The following CSMD3 variants were observed in gnomAD, a reference collection of about 807,000 sequenced individuals.
CSMD3 encodes the protein CUB and sushi domain-containing protein 3.
In CSMD3, 177 loss-of-function variants were observed where a neutral mutation model predicts 435.2. That is an observed-to-expected ratio of 0.41 (90% CI 0.36 to 0.46). The LOEUF (loss-of-function observed/expected upper bound fraction) is 0.46. Ranked by LOEUF, CSMD3 falls within the 20% of genes least tolerant of loss-of-function variation. CSMD3 has a pLI of 0.34. For missense variants in CSMD3, 4,265 were observed against 4,504.6 expected, an observed-to-expected ratio of 0.95 and a Z score of 1.52; for synonymous variants, 1,656 against 1,520.5, an observed-to-expected ratio of 1.09 and a Z score of -2.07.
chr8:112,927,386 G>A (rs2082944916), intron 9 of CSMD3, among the ~76,000 whole-genome samples: 1 of 152,060 alleles, frequency 6.6e-6, no homozygotes, highest in Admixed American at 6.6e-5. Flanking sequence ...ATTGGAGCAA[G>A]TGAAGCTCCT....
At chr8:113,398,915 G>A (rs1248643276) in intron 1 of CSMD3, among the ~76,000 whole-genome samples, 2 of 151,606 alleles carry the variant, frequency 1.3e-5, no homozygotes, top group Admixed American at 6.6e-5. Context: ...TGATGCTGGG[G>A]GATGAGAGGA....
intron 35 of CSMD3, among the ~76,000 whole-genome samples, chr8:112,405,405 C>T (rs1264551014): frequency 6.7e-6 from 1 of 149,674 alleles, no homozygotes; most frequent in Non-Finnish European, 1.5e-5. Flanking sequence ...AATAAAAATT[C>T]CCAGATATGT....
intron 55 of CSMD3, among the ~76,000 whole-genome samples, chr8:112,292,083 C>A (rs905769063): frequency 6.6e-6 from 1 of 151,970 alleles, no homozygotes; most frequent in Non-Finnish European, 1.5e-5. Flanking sequence ...TCGAAGAGTT[C>A]TCCTTAATCT....
Position 112,552,458 on chromosome 8 carries a change from C to A in CSMD3, c.4361+136G>T, listed in dbSNP as rs1355252074. On this transcript the variant is annotated intron_variant, in intron 26 of 70. Coordinates refer to ENST00000297405, the MANE Select transcript of CSMD3 (RefSeq NM_198123.2). Reference sequence around the variant, plus strand: ...CCGAGATCGAGCCCTGCCTTCCGGTCTGGATGTCAGAGCAAGACTCTGCCT... The same window carrying A: ...CCGAGATCGAGCCCTGCCTTCCGGTATGGATGTCAGAGCAAGACTCTGCCT... 5 of 826,310 alleles carry A rather than the reference C, an allele frequency of 6.1e-6. No homozygotes were observed. The South Asian group carries it at 7.9e-5, about 13-fold the overall frequency. The allele number at this position is 826,310 out of a possible 1,614,324, so 51.2% of individuals were successfully genotyped here.
At chr8:112,363,040 TG>T (rs1444882510) in intron 38 of CSMD3, among the ~76,000 whole-genome samples, 1 of 152,002 alleles carries the variant, frequency 6.6e-6, no homozygotes, top group African/African-American at 2.4e-5. Context: ...TTGAACTTTC[TG>T]TGTTTAATGC....
chr8:112,947,855 T>C lies in CSMD3; in HGVS notation c.1443A>G (p.Thr481=). Reference sequence around the variant, plus strand: ...CTGGATCTGGGCATAAATTGGAAGCTGTTTTAATACCTCCCTCATTTACTG... The same window carrying C: ...CTGGATCTGGGCATAAATTGGAAGCCGTTTTAATACCTCCCTCATTTACTG... The part of the protein sequence containing the change: ...FSILNEGGIK[T]ASNLCPDPGE... Residue 481 remains threonine (T), a synonymous_variant, in exon 9 of 71, where the codon ACA becomes ACG. Coordinates refer to ENST00000297405, the MANE Select transcript of CSMD3 (RefSeq NM_198123.2). The C allele has an allele frequency of 6.6e-7, 1 of 1,518,758 alleles. No homozygotes were observed. The highest frequency in any genetic ancestry group is 9.1e-7 in the Non-Finnish European group (1 of 1,095,102). 94.1% of individuals were successfully genotyped at this position (1,518,758 alleles called of 1,614,324 possible).
At chr8:112,271,487 A>C (rs1444086501) in intron 59 of CSMD3, among the ~76,000 whole-genome samples, 1 of 152,098 alleles carries the variant, frequency 6.6e-6, no homozygotes. Context: ...AAGACAGAGA[A>C]TAAAGCAAGA....
chr8:112,500,184 G>A (rs1246487431), intron 30 of CSMD3, among the ~76,000 whole-genome samples: 1 of 151,328 alleles, frequency 6.6e-6, no homozygotes, highest in Non-Finnish European at 1.5e-5. Context: ...ATAAAACAGA[G>A]GAAATAACAT....
intron 22 of CSMD3, among the ~76,000 whole-genome samples, chr8:112,615,582 C>T (rs1006001365): frequency 3.3e-5 from 5 of 151,936 alleles, no homozygotes; most frequent in Non-Finnish European, 2.9e-5. Flanking sequence ...ATATAGAATA[C>T]GCCTACATCA....
chr8:112,314,509 A>C lies in CSMD3; in HGVS notation c.7469T>G (p.Val2490Gly), dbSNP rs1822277525. ...CATGGTGATATTATAACCCTTTTCC[A>C]CTGAAATGCTCCATGCACACATTTG... ...NLQMCAWSISVEKGYNITMFV... is the reference protein window; with the variant it reads ...NLQMCAWSISGEKGYNITMFV... Residue 2490 changes from valine (V) to glycine (G), a missense_variant, in exon 48 of 71, where the codon GTG (valine) becomes GGG (glycine). Val to Gly is a moderately radical substitution (Grantham distance 109). Transcript: ENST00000297405. The C allele has an allele frequency of 1.2e-6, 2 of 1,612,198 alleles. No individual in the cohort carries two copies. The highest frequency in any genetic ancestry group is 8.5e-7 in the Non-Finnish European group (1 of 1,178,408).
At chr8:112,646,164 T>TCA (rs1421651572) in intron 19 of CSMD3, among the ~76,000 whole-genome samples, 6 of 152,192 alleles carry the variant, frequency 3.9e-5, no homozygotes, top group Non-Finnish European at 5.9e-5. Context: ...ATGAATGAAA[T>TCA]GTCTACTGAG....
At chr8:113,255,228 A>G (rs1435339648) in intron 3 of CSMD3, among the ~76,000 whole-genome samples, 1 of 152,138 alleles carries the variant, frequency 6.6e-6, no homozygotes, top group Non-Finnish European at 1.5e-5. Flanking sequence ...TGAAAAAGTA[A>G]AACTAGACAT....
At chr8:112,519,504 C>A (rs188914951) in intron 27 of CSMD3, among the ~76,000 whole-genome samples, 2 of 152,202 alleles carry the variant, frequency 1.3e-5, no homozygotes, top group East Asian at 1.9e-4. Flanking sequence ...TAGGAATTAT[C>A]CAGTGACTAG....
At chr8:112,586,969 T>C in intron 23 of CSMD3, 97 bp downstream of exon 23, 1 of 785,156 alleles carries the variant, frequency 1.3e-6, no homozygotes, top group Non-Finnish European at 2.1e-6. Context: ...TAATACTATA[T>C]ACATACACAT....
At chr8:113,219,972 C>T (rs919362539) in intron 3 of CSMD3, among the ~76,000 whole-genome samples, 1 of 151,356 alleles carries the variant, frequency 6.6e-6, no homozygotes, top group African/African-American at 2.4e-5. Context: ...TGGGCAAAAT[C>T]ATAAACACAC....
At chr8:113,024,379 G>A (rs746493104) in intron 5 of CSMD3, among the ~76,000 whole-genome samples, 19 of 150,850 alleles carry the variant, frequency 1.3e-4, no homozygotes, top group Non-Finnish European at 1.8e-4. Flanking sequence ...ACTTAGAGTC[G>A]ATTACTTGAC....
intron 8 of CSMD3, among the ~76,000 whole-genome samples, chr8:112,951,645 TATA>T (rs2083816117): frequency 6.6e-6 from 1 of 151,826 alleles, no homozygotes; most frequent in Non-Finnish European, 1.5e-5. Context: ...TTAGCTTCCC[TATA>T]AAATATTGAA....
At chr8:112,346,250 G>C (rs762115038) in intron 40 of CSMD3, 37 bp from the exon 41 acceptor site, 1 of 1,204,138 alleles carries the variant, frequency 8.3e-7, no homozygotes, top group South Asian at 1.2e-5. Flanking sequence ...AACCAGAGTA[G>C]AGGAATAATT....
chr8:112,300,988 C>T (rs1051262900), intron 53 of CSMD3, among the ~76,000 whole-genome samples: 4 of 151,968 alleles, frequency 2.6e-5, no homozygotes, highest in African/African-American at 4.8e-5. Context: ...TTTTTAAATT[C>T]GTAAACAAAA....
Sources: allele counts gnomAD v4.1 joint callset (sites outside exome capture counted in the v4.1 genomes callset), GRCh38; gene constraint gnomAD v4.1.1; transcripts MANE v1.5; gene names NCBI Gene and HGNC (gene_info 2026-07-23, HGNC 2026-07-21).